PTPRD: variants seen among roughly 807,000 people sequenced by gnomAD.
The protein encoded by PTPRD is receptor-type tyrosine-protein phosphatase delta.
In PTPRD, 34 loss-of-function variants were observed where a neutral mutation model predicts 214.5. The observed-to-expected ratio is 0.16, with a 90% confidence interval of 0.12 to 0.21. The LOEUF is 0.21. Among genes scored for constraint, PTPRD ranks in the 10% least tolerant of loss-of-function variants. The pLI is 1.00. For missense variants in PTPRD, 2,545 were observed against 2,398.7 expected (o/e 1.06, Z -1.27); for synonymous variants, 1,128 against 845.7 (o/e 1.33, Z -5.79).
chr9:8,435,202 C>A (rs867433444), intron 35 of PTPRD, among the ~76,000 whole-genome samples: 3 of 152,138 alleles, frequency 2.0e-5, no homozygotes, highest in Non-Finnish European at 4.4e-5. Context: ...AAATAATGAA[C>A]ATTTGAATAT....
At chr9:10,422,960 T>C (rs566277010) in intron 2 of PTPRD, among the ~76,000 whole-genome samples, 3 of 152,192 alleles carry the variant, frequency 2.0e-5, no homozygotes, top group Admixed American at 6.5e-5. Context: ...ACTGGGTATA[T>C]ACCCAAAGGA....
chr9:10,543,758 T>G (rs1349323964), intron 2 of PTPRD, among the ~76,000 whole-genome samples: 1 of 152,202 alleles, frequency 6.6e-6, no homozygotes, highest in Admixed American at 6.5e-5. Flanking sequence ...TATTAATACA[T>G]CGCAGTCAAC....
chr9:10,329,394 A>C (rs918042376), intron 3 of PTPRD, among the ~76,000 whole-genome samples: 2 of 151,848 alleles, frequency 1.3e-5, no homozygotes, highest in African/African-American at 2.4e-5. Flanking sequence ...TAAGAGTAGT[A>C]ATACTATTTT....
At chr9:9,965,865 CTATT>C (rs1209391940) in intron 4 of PTPRD, among the ~76,000 whole-genome samples, 2 of 152,262 alleles carry the variant, frequency 1.3e-5, no homozygotes, top group South Asian at 2.1e-4. Context: ...ACAATGAACA[CTATT>C]TGTTTATGCA....
At position 9,069,207 on chromosome 9, in the gene PTPRD, AC is replaced by A. The variant is rs1314500807; in HGVS notation, c.-142-50473del. 1.8e-4 allele frequency among the ~76,000 whole-genome samples: 28 copies of A among 152,360 alleles called. 1 individual carries two copies. The Middle Eastern group carries it at 0.01, about 56-fold the overall frequency. On this transcript the variant is annotated intron_variant, in intron 10 of 45. Coordinates refer to ENST00000381196, the MANE Select transcript of PTPRD (RefSeq NM_002839.4). ...TAGTGACATATTAAGACATTTAAAT[AC>A]CATTGCTAAATGAAAATAGCCCCAA...
chr9:9,321,083 C>T (rs1242327563), intron 9 of PTPRD, among the ~76,000 whole-genome samples: 1 of 152,182 alleles, frequency 6.6e-6, no homozygotes. Flanking sequence ...GAGTCCAACA[C>T]TGAGACACAA....
At chr9:8,448,285 G>T (rs914380124) in intron 34 of PTPRD, among the ~76,000 whole-genome samples, 1 of 152,182 alleles carries the variant, frequency 6.6e-6, no homozygotes, top group Non-Finnish European at 1.5e-5. Context: ...CCGTCATTGT[G>T]CTACTGCACT....
At chr9:8,791,142 G>A (rs1257364598) in intron 11 of PTPRD, among the ~76,000 whole-genome samples, 2 of 152,128 alleles carry the variant, frequency 1.3e-5, no homozygotes, top group Non-Finnish European at 2.9e-5. Context: ...CCAATTACAT[G>A]GAAATTAAAA....
rs180863745 is a variant in PTPRD at position 8,753,996 on chromosome 9, T to A, written c.-103-20050A>T. 9.9e-5 allele frequency among the ~76,000 whole-genome samples: 15 copies of A among 152,098 alleles called. No homozygotes were observed. The East Asian group carries it at 2.9e-3, about 30-fold the overall frequency. ...CCGGTCTCTACTAAAAATACAAAAATTAGCCTGGCATGGTGGCACATGCCT... is the reference window on the plus strand; with the variant it reads ...CCGGTCTCTACTAAAAATACAAAAAATAGCCTGGCATGGTGGCACATGCCT... On this transcript the variant is annotated intron_variant, in intron 11 of 45. Coordinates refer to ENST00000381196, the MANE Select transcript of PTPRD (RefSeq NM_002839.4).
chr9:10,481,231 G>T (rs1455200156), intron 2 of PTPRD, among the ~76,000 whole-genome samples: 1 of 152,150 alleles, frequency 6.6e-6, no homozygotes, highest in Admixed American at 6.5e-5. Context: ...TCAAGCCAAT[G>T]AATGTCATTT....
chr9:10,101,832 T>G (rs1055541833), intron 3 of PTPRD, among the ~76,000 whole-genome samples: 3 of 151,712 alleles, frequency 2.0e-5, no homozygotes, highest in African/African-American at 7.3e-5. Flanking sequence ...ACATTACATT[T>G]GTAAACAATT....
At chr9:9,487,364 T>C (rs1334684624) in intron 8 of PTPRD, among the ~76,000 whole-genome samples, 1 of 152,162 alleles carries the variant, frequency 6.6e-6, no homozygotes, top group Admixed American at 6.5e-5. Context: ...TCCAGCTTCA[T>C]CCATGTCCCC....
At chr9:8,665,631 C>G (rs2097155550) in intron 12 of PTPRD, among the ~76,000 whole-genome samples, 1 of 152,158 alleles carries the variant, frequency 6.6e-6, no homozygotes, top group Non-Finnish European at 1.5e-5. Context: ...CCTGTATACA[C>G]TTACTGCCAA....
chr9:10,004,762 T>C lies in PTPRD; in HGVS notation c.-472+28956A>G, dbSNP rs28557094. ...ATCAATGGTTCCCAAGTACAACCTT[T>C]CAGTAAGCAAACTAAGTTTACAGTA... On this transcript the variant is annotated intron_variant, in intron 4 of 45. Coordinates refer to ENST00000381196, the MANE Select transcript of PTPRD (RefSeq NM_002839.4). 1.6e-3 allele frequency among the ~76,000 whole-genome samples: 242 copies of C among 152,184 alleles called. 2 individuals are homozygous for C. The highest frequency in any genetic ancestry group is 5.7e-3 in the African/African-American group (236 of 41,554).
intron 3 of PTPRD, among the ~76,000 whole-genome samples, chr9:10,243,660 G>C (rs1231893290): frequency 1.3e-5 from 2 of 151,772 alleles, no homozygotes; most frequent in African/African-American, 4.8e-5. Flanking sequence ...CTTCATTGTT[G>C]GAGATATACA....
chr9:8,746,487 A>G (rs964763047), intron 11 of PTPRD, among the ~76,000 whole-genome samples: 2 of 152,214 alleles, frequency 1.3e-5, no homozygotes, highest in Non-Finnish European at 2.9e-5. Flanking sequence ...GACTTTTTAA[A>G]GTACTGTCAT....
At chr9:10,133,304 A>T (rs540074374) in intron 3 of PTPRD, among the ~76,000 whole-genome samples, 1 of 152,176 alleles carries the variant, frequency 6.6e-6, no homozygotes, top group Non-Finnish European at 1.5e-5. Context: ...AAAGAAAAAA[A>T]GCTGATGGGG....
At chr9:10,339,467 A>G (rs1262901949) in intron 3 of PTPRD, among the ~76,000 whole-genome samples, 3 of 151,692 alleles carry the variant, frequency 2.0e-5, no homozygotes, top group Non-Finnish European at 4.4e-5. Context: ...AAGCATTTTC[A>G]CTCTGAAAGA....
intron 30 of PTPRD, among the ~76,000 whole-genome samples, chr9:8,480,493 G>C (rs2135534157): frequency 6.6e-6 from 1 of 152,238 alleles, no homozygotes; most frequent in African/African-American, 2.4e-5. Context: ...TGCTGTATGA[G>C]AACAATGAGA....
Sources: gnomAD v4.1 joint callset for allele counts (sites outside exome capture counted in the v4.1 genomes callset) on GRCh38, gnomAD v4.1.1 for gene constraint, MANE v1.5 for transcripts, NCBI Gene and HGNC (gene_info 2026-07-23, HGNC 2026-07-21) for gene names.